BMP2K: variants seen among roughly 807,000 people sequenced by gnomAD.
The protein encoded by BMP2K is BMP2 inducible kinase.
Under a neutral mutation model 116.0 loss-of-function variants are expected in BMP2K, and 74 were observed. The observed-to-expected ratio is 0.64, with a 90% confidence interval of 0.53 to 0.77. The LOEUF is 0.77. Ranked by LOEUF, BMP2K falls within the 30% of genes least tolerant of loss-of-function variation. BMP2K has a pLI of 0.00. For missense variants in BMP2K, 1,365 were observed against 1,403.6 expected (o/e 0.97, Z 0.44); for synonymous variants, 486 against 502.5 (o/e 0.97, Z 0.44).
At chr4:78,779,803 T>C (rs531763602) in intron 1 of BMP2K, among the ~76,000 whole-genome samples, 2 of 152,334 alleles carry the variant, frequency 1.3e-5, no homozygotes, top group Admixed American at 6.5e-5. Flanking sequence ...TTATATACTT[T>C]GTATCATAAT....
At chr4:78,809,076 T>C (rs1216497418) in intron 1 of BMP2K, among the ~76,000 whole-genome samples, 1 of 152,230 alleles carries the variant, frequency 6.6e-6, no homozygotes, top group Non-Finnish European at 1.5e-5. Context: ...TATTGTATAA[T>C]TATCTGTTTC....
At position 78,912,148 on chromosome 4, in the gene BMP2K, AG is replaced by A; in HGVS notation, c.*116del. The A allele has an allele frequency of 2.2e-6, 2 of 922,566 alleles. No individual in the cohort carries two copies. The highest frequency in any genetic ancestry group is 3.3e-6 in the Non-Finnish European group (2 of 597,402). The allele number at this position is 922,566 out of a possible 1,614,324, so 57.1% of individuals were successfully genotyped here. On this transcript the variant is annotated 3_prime_UTR_variant, in exon 16 of 16. Coordinates refer to ENST00000502613, the MANE Select transcript of BMP2K (RefSeq NM_198892.2). ...TAGCATTCATTCTTAAAGATCAGTC[AG>A]AATAGGTGATTTCTAAATAAACCAA...
chr4:78,826,064 G>A lies in BMP2K; in HGVS notation c.206G>A (p.Arg69His), dbSNP rs773269909. Reference protein sequence around the residue: ...EGGFSTVFLVRTHGGIRCALK... With the variant: ...EGGFSTVFLVHTHGGIRCALK... ...GGATTCTCCACAGTTTTCCTCGTGC[G>A]TACTCACGGTGGAATCCGATGTGCA... The change falls in exon 2 of 16, where the codon CGT becomes CAT. Residue 69 changes from arginine (R) to histidine (H), a missense_variant. Coordinates refer to ENST00000502613, the MANE Select transcript of BMP2K (RefSeq NM_198892.2). 49 of 1,613,522 alleles carry A rather than the reference G, an allele frequency of 3.0e-5. 1 individual carries two copies. The South Asian group carries it at 3.8e-4, about 13-fold the overall frequency.
At chr4:78,813,049 GA>G (rs968152913) in intron 1 of BMP2K, among the ~76,000 whole-genome samples, 34 of 142,368 alleles carry the variant, frequency 2.4e-4, no homozygotes, top group South Asian at 4.4e-4. Flanking sequence ...TTCTCAAAAG[GA>G]AAAAAAAAAA....
In BMP2K at chr4:78,828,119, G is replaced by A. The variant is rs141014862; in HGVS notation, c.297+1964G>A. ...ATGTAATCAGCTGCCAGCATGGCTAGAATAAAGCAGGAAGGAGAAGATGGA... is the reference window on the plus strand; with the variant it reads ...ATGTAATCAGCTGCCAGCATGGCTAAAATAAAGCAGGAAGGAGAAGATGGA... On this transcript the variant is annotated intron_variant, in intron 2 of 15. Coordinates refer to ENST00000502613, the MANE Select transcript of BMP2K (RefSeq NM_198892.2). Among the ~76,000 whole-genome samples the A allele has an allele frequency of 3.8e-3, 581 of 152,298 alleles. 4 individuals are homozygous for A. Among genetic ancestry groups the A allele is most frequent in the Middle Eastern group, 0.02 (6 of 294 alleles).
chr4:78,913,518 T>A lies in BMP2K; in HGVS notation c.*1485T>A, dbSNP rs1310465857. The A allele has an allele frequency of 1.3e-5, 2 of 152,178 alleles. No individual in the cohort carries two copies. The highest frequency in any genetic ancestry group is 2.9e-5 in the Non-Finnish European group (2 of 67,994). The allele number at this position is 152,178 out of a possible 1,614,324, so 9.4% of individuals were successfully genotyped here. A position where few individuals can be genotyped will look rare whatever the true frequency, so the allele number is the denominator to read the frequency against. ...ATTTGGAAGTTTCTAGAACAGTTAA[T>A]GCTATTTACAGAAAGGAGTAGAAAC... On this transcript the variant is annotated 3_prime_UTR_variant, in exon 16 of 16. Coordinates refer to ENST00000502613, the MANE Select transcript of BMP2K (RefSeq NM_198892.2).
At chr4:78,784,768 A>G (rs922201676) in intron 1 of BMP2K, among the ~76,000 whole-genome samples, 2 of 152,216 alleles carry the variant, frequency 1.3e-5, no homozygotes, top group African/African-American at 2.4e-5. Context: ...GGACGCATCT[A>G]TCGGGGAAAA....
chr4:78,841,484 T>A (rs915195003), intron 3 of BMP2K, among the ~76,000 whole-genome samples: 2 of 152,192 alleles, frequency 1.3e-5, no homozygotes, highest in African/African-American at 2.4e-5. Flanking sequence ...TTGATTTTAG[T>A]CAATTATTTT....
chr4:78,842,994 T>C (rs573449677), intron 4 of BMP2K, among the ~76,000 whole-genome samples: 2 of 152,168 alleles, frequency 1.3e-5, no homozygotes, highest in South Asian at 4.1e-4. Flanking sequence ...TATTATTTTC[T>C]ATAATTTGGT....
chr4:78,811,426 T>C (rs2109973033), intron 1 of BMP2K, among the ~76,000 whole-genome samples: 1 of 152,366 alleles, frequency 6.6e-6, no homozygotes, highest in African/African-American at 2.4e-5. Flanking sequence ...ATTAAAGTTA[T>C]GGTTATATGT....
intron 7 of BMP2K, among the ~76,000 whole-genome samples, chr4:78,855,627 G>C (rs1731473122): frequency 6.6e-6 from 1 of 152,142 alleles, no homozygotes; most frequent in South Asian, 2.1e-4. Flanking sequence ...CAGGGATTTT[G>C]TGCTTTTCTA....
At chr4:78,861,329 A>T in intron 8 of BMP2K, 60 bp from the exon 9 acceptor site, 1 of 1,390,816 alleles carries the variant, frequency 7.2e-7, no homozygotes, top group Non-Finnish European at 9.9e-7. Flanking sequence ...TAGCTTACAA[A>T]AACTTTCTGC....
rs896633440 is a variant in BMP2K at position 78,793,649 on chromosome 4, T to C, written c.178+16928T>C. Among the ~76,000 whole-genome samples the C allele has an allele frequency of 1.8e-4, 28 of 152,226 alleles. No homozygotes were observed. The South Asian group carries it at 4.8e-3, about 26-fold the overall frequency. On this transcript the variant is annotated intron_variant, in intron 1 of 15. Transcript: ENST00000502613. ...TATAGTGTAATAAAACAGTCCGATA[T>C]AGTAGCTAGTAGCCACATGTGGCTA...
chr4:78,913,134 T>G lies in BMP2K; in HGVS notation c.*1101T>G, dbSNP rs186991741. On this transcript the variant is annotated 3_prime_UTR_variant, in exon 16 of 16. Transcript: ENST00000502613. ...ATAAGCAACAATTATTTTTATTAGG[T>G]TTTGGGGGGTGGAGTAGTTTTAATA... The G allele has an allele frequency of 7.6e-6, 1 of 131,626 alleles. No homozygotes were observed. Among genetic ancestry groups the G allele is most frequent in the Admixed American group, 7.4e-5 (1 of 13,590 alleles). The allele number at this position is 131,626 out of a possible 1,614,324, so 8.2% of individuals were successfully genotyped here. A position where few individuals can be genotyped will look rare whatever the true frequency, so the allele number is the denominator to read the frequency against.
At chr4:78,825,281 A>G (rs1290597549) in intron 1 of BMP2K, among the ~76,000 whole-genome samples, 2 of 152,204 alleles carry the variant, frequency 1.3e-5, no homozygotes, top group African/African-American at 4.8e-5. Context: ...CATTTACTGT[A>G]TGAGTTCTAG....
At chr4:78,900,361 C>G (rs1229468767) in intron 15 of BMP2K, among the ~76,000 whole-genome samples, 2 of 152,042 alleles carry the variant, frequency 1.3e-5, no homozygotes. Flanking sequence ...TTGACTGTGT[C>G]GGAGGTTGAT....
At chr4:78,878,630 T>G in intron 13 of BMP2K, 104 bp from the exon 14 acceptor site, 1 of 946,124 alleles carries the variant, frequency 1.1e-6, no homozygotes, top group Non-Finnish European at 1.6e-6. Context: ...GGAAATGATT[T>G]GGTTTTCTAA....
At chr4:78,823,390 C>T (rs1447354180) in intron 1 of BMP2K, among the ~76,000 whole-genome samples, 1 of 151,552 alleles carries the variant, frequency 6.6e-6, no homozygotes, top group Non-Finnish European at 1.5e-5. Flanking sequence ...GAACTCTTTT[C>T]CCTCTTCCAT....
intron 11 of BMP2K, among the ~76,000 whole-genome samples, 186 bp downstream of exon 11, chr4:78,871,246 G>A (rs7682144): frequency 1.3e-5 from 2 of 152,016 alleles, no homozygotes; most frequent in Non-Finnish European, 2.9e-5. Context: ...TAAGAATACT[G>A]TAAAATAGGT....
Sources: allele counts gnomAD v4.1 joint callset (sites outside exome capture counted in the v4.1 genomes callset), GRCh38; gene constraint gnomAD v4.1.1; transcripts MANE v1.5; gene names NCBI Gene and HGNC (gene_info 2026-07-23, HGNC 2026-07-21).